SH3RF3: variants seen among roughly 807,000 people sequenced by gnomAD.
SH3RF3 encodes E3 ubiquitin-protein ligase SH3RF3.
SH3RF3 carries 29 observed loss-of-function variants against 66.3 expected under a neutral mutation model. The observed-to-expected ratio is 0.44, with a 90% CI of 0.33 to 0.60. The LOEUF is 0.60. Among genes scored for constraint, SH3RF3 ranks in the 20% least tolerant of loss-of-function variants. SH3RF3 has a pLI of 0.04. For synonymous variants in SH3RF3, 583 were observed against 532.0 expected (o/e 1.10, Z -1.32); for missense variants, 1,194 against 1,190.9 (o/e 1.00, Z -0.04).
intron 2 of SH3RF3, among the ~76,000 whole-genome samples, chr2:109,352,205 C>T (rs1239944160): frequency 6.6e-6 from 1 of 152,192 alleles, no homozygotes; most frequent in Non-Finnish European, 1.5e-5. Context: ...TGCTGTCTGC[C>T]CTCTCCTTTC....
chr2:109,397,245 G>A (rs937529668), intron 3 of SH3RF3, among the ~76,000 whole-genome samples: 2 of 152,146 alleles, frequency 1.3e-5, no homozygotes, highest in Non-Finnish European at 2.9e-5. Flanking sequence ...CCTGAGCTCT[G>A]TGCTCCTCCA....
chr2:109,316,930 T>A (rs68011918), intron 1 of SH3RF3, among the ~76,000 whole-genome samples: 47,453 of 152,078 alleles, frequency 0.31, 9,186 homozygotes, highest in African/African-American at 0.55. Flanking sequence ...GGCTTCTCTC[T>A]CTTAGTAATT....
chr2:109,246,893 A>G (rs139069075), intron 1 of SH3RF3, among the ~76,000 whole-genome samples: 198 of 152,246 alleles, frequency 1.3e-3, no homozygotes, highest in Non-Finnish European at 2.2e-3. Context: ...GTTTGATGCT[A>G]GGACCCCTCT....
intron 3 of SH3RF3, 144 bp from the exon 4 acceptor site, chr2:109,398,446 C>A: frequency 2.6e-6 from 2 of 761,232 alleles, no homozygotes; most frequent in Admixed American, 2.9e-5. Flanking sequence ...ACCCCACCAG[C>A]CTCTTCTGTG....
chr2:109,493,476 C>A (rs1679183058), intron 9 of SH3RF3, among the ~76,000 whole-genome samples: 1 of 151,632 alleles, frequency 6.6e-6, no homozygotes, highest in Non-Finnish European at 1.5e-5. Context: ...TACATACAAA[C>A]ACATACCCCA....
chr2:109,306,095 ACCTC>A (rs1290644144), intron 1 of SH3RF3, among the ~76,000 whole-genome samples: 1 of 152,170 alleles, frequency 6.6e-6, no homozygotes, highest in Non-Finnish European at 1.5e-5. Context: ...GCTTTTGTCT[ACCTC>A]ACGCTAAAGT....
At chr2:109,409,786 A>G (rs1230119212) in intron 4 of SH3RF3, among the ~76,000 whole-genome samples, 1 of 151,928 alleles carries the variant, frequency 6.6e-6, no homozygotes, top group Non-Finnish European at 1.5e-5. Context: ...TCAGCCATAA[A>G]TGTTTTATTC....
chr2:109,269,450 C>T (rs74403238), intron 1 of SH3RF3, among the ~76,000 whole-genome samples: 3 of 152,182 alleles, frequency 2.0e-5, no homozygotes, highest in South Asian at 2.1e-4. Flanking sequence ...ATCCAGCCCC[C>T]CTTTCTTCTG....
chr2:109,450,691 C>G (rs1332605712), intron 8 of SH3RF3, among the ~76,000 whole-genome samples: 6 of 152,070 alleles, frequency 3.9e-5, no homozygotes, highest in Non-Finnish European at 8.8e-5. Flanking sequence ...TTTTGGAAGC[C>G]CATGTGAAAT....
Position 109,150,483 on chromosome 2 carries a change from A to G in SH3RF3, c.573+20370A>G, listed in dbSNP as rs548904266. Among the ~76,000 whole-genome samples, 186 of 152,318 alleles carry G rather than the reference A, an allele frequency of 1.2e-3. 4 individuals are homozygous for G. The highest frequency in any genetic ancestry group is 0.01 in the Middle Eastern group (3 of 294). Reference sequence around the variant, plus strand: ...TTTCTTAGAAAAATAGTTTTTTTACAAAAACGAGGAATTCAACTTATTAAT... The same window carrying G: ...TTTCTTAGAAAAATAGTTTTTTTACGAAAACGAGGAATTCAACTTATTAAT... On this transcript the variant is annotated intron_variant, in intron 1 of 9. Transcript: ENST00000309415.
intron 1 of SH3RF3, among the ~76,000 whole-genome samples, chr2:109,260,044 A>G (rs1680312867): frequency 6.6e-6 from 1 of 151,990 alleles, no homozygotes; most frequent in Non-Finnish European, 1.5e-5. Flanking sequence ...TTTTTGGTGG[A>G]GGGTTATTTG....
intron 5 of SH3RF3, among the ~76,000 whole-genome samples, chr2:109,425,428 G>A (rs932482344): frequency 6.6e-6 from 1 of 152,208 alleles, no homozygotes; most frequent in African/African-American, 2.4e-5. Context: ...TGCCATCTAG[G>A]ACTTTCATAG....
intron 1 of SH3RF3, among the ~76,000 whole-genome samples, chr2:109,341,604 T>C (rs1009299048): frequency 3.3e-5 from 5 of 152,220 alleles, no homozygotes; most frequent in African/African-American, 1.2e-4. Context: ...AGATCAAGTT[T>C]CCTTTTTCTT....
intron 1 of SH3RF3, among the ~76,000 whole-genome samples, chr2:109,187,573 A>T (rs1382591566): frequency 6.6e-6 from 1 of 152,208 alleles, no homozygotes; most frequent in Non-Finnish European, 1.5e-5. Flanking sequence ...AGTACAGTCC[A>T]TGCTGCACAG....
At chr2:109,332,357 G>T (rs1438541081) in intron 1 of SH3RF3, among the ~76,000 whole-genome samples, 1 of 152,106 alleles carries the variant, frequency 6.6e-6, no homozygotes, top group East Asian at 1.9e-4. Flanking sequence ...TGCTGCACTT[G>T]CTCCTTCCTT....
intron 1 of SH3RF3, among the ~76,000 whole-genome samples, chr2:109,319,829 C>A (rs553300285): frequency 3.3e-5 from 5 of 152,320 alleles, no homozygotes; most frequent in Middle Eastern, 6.8e-3. Context: ...GCACCTCTGT[C>A]CCCTTAGAGG....
intron 9 of SH3RF3, among the ~76,000 whole-genome samples, chr2:109,495,030 C>T (rs1679223123): frequency 1.3e-5 from 2 of 152,166 alleles, no homozygotes; most frequent in African/African-American, 2.4e-5. Context: ...GGCAGCAGGC[C>T]AGTCTCGTAA....
chr2:109,229,290 A>AC (rs1336070423), intron 1 of SH3RF3, among the ~76,000 whole-genome samples: 2 of 152,144 alleles, frequency 1.3e-5, no homozygotes. Flanking sequence ...ATTCTGACAT[A>AC]CCCACACCCC....
chr2:109,449,858 TA>T (rs1332856914), intron 8 of SH3RF3, among the ~76,000 whole-genome samples: 1 of 152,224 alleles, frequency 6.6e-6, no homozygotes, highest in Non-Finnish European at 1.5e-5. Flanking sequence ...TAATAATAAA[TA>T]TACAAATCTA....
Sources: allele counts gnomAD v4.1 joint callset (sites outside exome capture counted in the v4.1 genomes callset), GRCh38; gene constraint gnomAD v4.1.1; transcripts MANE v1.5; gene names NCBI Gene and HGNC (gene_info 2026-07-23, HGNC 2026-07-21).